Variants in FANK1 observed in about 807,000 individuals in gnomAD.
FANK1 encodes the protein fibronectin type III and ankyrin repeat domains 1.
A neutral mutation model predicts 45.3 loss-of-function variants in FANK1; 44 were observed. The observed-to-expected ratio is 0.97, with a 90% CI of 0.76 to 1.25. The LOEUF (loss-of-function observed/expected upper bound fraction) is 1.25. FANK1 is among the 50% of genes most tolerant of loss of function. The pLI, the probability that FANK1 is intolerant of heterozygous loss-of-function variation, is 0.00. For missense variants in FANK1, 391 were observed against 424.4 expected (o/e 0.92, Z 0.69); for synonymous variants, 149 against 152.5 (o/e 0.98, Z 0.17).
chr10:125,900,138 T>C (rs1589751400), intron 1 of FANK1, among the ~76,000 whole-genome samples: 1 of 152,304 alleles, frequency 6.6e-6, no homozygotes, highest in Non-Finnish European at 1.5e-5. Flanking sequence ...TACAGAATAA[T>C]AGTAAGTCAA....
Position 125,997,453 on chromosome 10 carries a change from C to A in FANK1, c.507C>A (p.Asp169Glu). The A allele has an allele frequency of 6.2e-7, 1 of 1,613,738 alleles. No homozygotes were observed. Among genetic ancestry groups the A allele is most frequent in the Non-Finnish European group, 8.5e-7 (1 of 1,179,868 alleles). Residue 169 changes from aspartate to glutamate, a missense_variant, in exon 6 of 11, where the codon GAC (aspartate) becomes GAA (glutamate). Asp to Glu is a conservative substitution (Grantham distance 45, BLOSUM62 2). Coordinates refer to ENST00000368693, the MANE Select transcript of FANK1 (RefSeq NM_145235.5). ...AAATCCTAGTTTCTAATGGCACAGACGTGAATCTGAAGAATGGAAGTGGCA... is the reference window on the plus strand; with the variant it reads ...AAATCCTAGTTTCTAATGGCACAGAAGTGAATCTGAAGAATGGAAGTGGCA... ...LVKILVSNGT[D>E]VNLKNGSGKD... is the part of the protein sequence containing the mutation.
intron 1 of FANK1, among the ~76,000 whole-genome samples, chr10:125,918,112 G>T (rs1946606041): frequency 6.6e-6 from 1 of 152,274 alleles, no homozygotes; most frequent in Non-Finnish European, 1.5e-5. Flanking sequence ...TTTGGTGGTT[G>T]CCAGAGGCTG....
intron 1 of FANK1, among the ~76,000 whole-genome samples, chr10:125,941,054 T>C (rs543848335): frequency 4.3e-4 from 66 of 152,336 alleles, no homozygotes; most frequent in African/African-American, 1.5e-3. Context: ...ATGGTAACAG[T>C]CTGATCTCTC....
intron 1 of FANK1, among the ~76,000 whole-genome samples, chr10:125,959,149 C>T (rs1201807410): frequency 6.6e-6 from 1 of 152,070 alleles, no homozygotes; most frequent in Non-Finnish European, 1.5e-5. Context: ...GTAATCCCAG[C>T]ACTTTGGGAG....
At chr10:125,995,921 G>A (rs1454698589) in intron 4 of FANK1, among the ~76,000 whole-genome samples, 1 of 152,212 alleles carries the variant, frequency 6.6e-6, no homozygotes, top group Non-Finnish European at 1.5e-5. Context: ...GAATATAGCT[G>A]CTGCAGATGA....
chr10:125,906,515 C>CAAAAAA lies in FANK1; in HGVS notation c.13+9884_13+9889dup, dbSNP rs34132526. Among the ~76,000 whole-genome samples the CAAAAAA allele has an allele frequency of 7.7e-3, 359 of 46,396 alleles. 11 individuals are homozygous for CAAAAAA. The highest frequency in any genetic ancestry group is 0.026 in the African/African-American group (342 of 13,406). 30.4% of individuals were successfully genotyped at this position (46,396 alleles called of 152,430 possible). ...TTGGGGACAGAGCAAGACTCTGTCT[C>CAAAAAA]AAAAAAAAAAAAAAAAAAAAAAAAA... On this transcript the variant is annotated intron_variant, in intron 1 of 10. Coordinates refer to ENST00000368693, the MANE Select transcript of FANK1 (RefSeq NM_145235.5).
In FANK1 at chr10:125,968,212, C is replaced by T. The variant is rs983054298; in HGVS notation, c.14-11949C>T. On this transcript the variant is annotated intron_variant, in intron 1 of 10. Transcript: ENST00000368693. ...GCCTCATGTGATCCTCTCACCTTGG[C>T]CTCCAAAAGTGTTGGGATTACAGAT... 2.6e-5 allele frequency among the ~76,000 whole-genome samples: 4 copies of T among 152,062 alleles called. No homozygotes were observed. The East Asian group carries it at 7.7e-4, about 29-fold the overall frequency.
rs116675324 is a variant in FANK1, at chr10:125,992,605, G to A, written c.317-2812G>A. ...ATTATATCCTAATACTAAAAGCCCTGGTCTTTGCTACAAACGGTCCTTAAG... is the reference window on the plus strand; with the variant it reads ...ATTATATCCTAATACTAAAAGCCCTAGTCTTTGCTACAAACGGTCCTTAAG... On this transcript the variant is annotated intron_variant, in intron 3 of 10. Coordinates refer to ENST00000368693, the MANE Select transcript of FANK1 (RefSeq NM_145235.5). Among the ~76,000 whole-genome samples the A allele has an allele frequency of 7.7e-3, 1,173 of 152,234 alleles. 13 individuals are homozygous for A. Among genetic ancestry groups the A allele is most frequent in the African/African-American group, 0.027 (1,105 of 41,536 alleles).
chr10:125,924,806 C>CAAAAAAAAAAA (rs58856642), intron 1 of FANK1, among the ~76,000 whole-genome samples: 1 of 70,784 alleles, frequency 1.4e-5, no homozygotes, highest in Non-Finnish European at 3.3e-5. Flanking sequence ...GACCCCATCT[C>CAAAAAAAAAAA]AAAAAAAAAA....
chr10:125,984,774 T>C (rs1041361562), intron 2 of FANK1, among the ~76,000 whole-genome samples: 1 of 152,246 alleles, frequency 6.6e-6, no homozygotes, highest in African/African-American at 2.4e-5. Context: ...AGCTCTTGCA[T>C]CAAACATTTG....
At chr10:125,956,417 TATATTG>T (rs914297639) in intron 1 of FANK1, among the ~76,000 whole-genome samples, 4 of 152,304 alleles carry the variant, frequency 2.6e-5, no homozygotes, top group Middle Eastern at 3.4e-3. Flanking sequence ...TAATGCAAGT[TATATTG>T]GTATAGAAAA....
At chr10:125,942,813 CTTT>C (rs772933009) in intron 1 of FANK1, among the ~76,000 whole-genome samples, 2 of 126,842 alleles carry the variant, frequency 1.6e-5, no homozygotes, top group African/African-American at 2.9e-5. Flanking sequence ...TTATAATTTG[CTTT>C]TTTTTTTTTT....
At chr10:125,994,741 G>A (rs1364178093) in intron 3 of FANK1, 24 of 985,206 alleles carry the variant, frequency 2.4e-5, no homozygotes, top group East Asian at 1.1e-4. Context: ...TGTGCTGCCC[G>A]CCTGCCTGTT....
At chr10:125,935,138 C>T (rs916585180) in intron 1 of FANK1, among the ~76,000 whole-genome samples, 2 of 152,194 alleles carry the variant, frequency 1.3e-5, no homozygotes, top group African/African-American at 4.8e-5. Flanking sequence ...GGGACATCCC[C>T]CCATTCATTC....
At chr10:125,999,802 G>T (rs770098022) in intron 6 of FANK1, among the ~76,000 whole-genome samples, 14 of 152,152 alleles carry the variant, frequency 9.2e-5, no homozygotes, top group Non-Finnish European at 1.6e-4. Flanking sequence ...CGTTAAAACA[G>T]TTCCTGGCAT....
chr10:125,924,410 C>G (rs28719792), intron 1 of FANK1, among the ~76,000 whole-genome samples: 1 of 151,710 alleles, frequency 6.6e-6, no homozygotes, highest in Admixed American at 6.6e-5. Context: ...TGCACCACCA[C>G]GCCCACCTAA....
intron 6 of FANK1, among the ~76,000 whole-genome samples, chr10:126,001,206 A>T (rs894963399): frequency 6.6e-6 from 1 of 152,198 alleles, no homozygotes; most frequent in Non-Finnish European, 1.5e-5. Flanking sequence ...GAAACAACTG[A>T]AATGTCTGAC....
intron 6 of FANK1, among the ~76,000 whole-genome samples, chr10:126,000,234 T>C (rs1952656679): frequency 6.6e-6 from 1 of 152,230 alleles, no homozygotes; most frequent in African/African-American, 2.4e-5. Context: ...CTGGAATTAT[T>C]CTTGGGAACC....
At chr10:125,956,616 G>C (rs1949594009) in intron 1 of FANK1, among the ~76,000 whole-genome samples, 1 of 152,184 alleles carries the variant, frequency 6.6e-6, no homozygotes, top group Admixed American at 6.5e-5. Flanking sequence ...ATAGTAGAAA[G>C]TAATTTTATA....
Sources: gnomAD v4.1 joint callset for allele counts (sites outside exome capture counted in the v4.1 genomes callset) on GRCh38, gnomAD v4.1.1 for gene constraint, MANE v1.5 for transcripts, NCBI Gene and HGNC (gene_info 2026-07-23, HGNC 2026-07-21) for gene names.